The following EYS variants were observed in gnomAD, a reference collection of about 807,000 sequenced individuals.
The protein encoded by EYS is EGF-like photoreceptor maintenance factor.
EYS carries 250 observed loss-of-function variants against 282.1 expected under a neutral mutation model. The observed-to-expected ratio is 0.89, with a 90% CI of 0.80 to 0.98. The LOEUF is 0.98. Among genes scored for constraint, EYS ranks in the 50% least tolerant of loss-of-function variants. EYS has a pLI of 0.00. For missense variants in EYS, 4,016 were observed against 3,709.0 expected (o/e 1.08, Z -2.15); for synonymous variants, 1,355 against 1,282.9 (o/e 1.06, Z -1.20).
In EYS at chr6:63,745,604, G is replaced by A. The variant is rs144927165; in HGVS notation, c.8071+16857C>T. The stretch of plus-strand genomic sequence containing the variant: ...CCTATTCACATAAAGAGTAATAGAT[G>A]ATATGTCTCTAACAAACACTAAGGA... On this transcript the variant is annotated intron_variant, in intron 41 of 42. Coordinates refer to ENST00000503581, the MANE Select transcript of EYS (RefSeq NM_001142800.2). Among the ~76,000 whole-genome samples the A allele has an allele frequency of 5.2e-3, 799 of 152,288 alleles. 5 individuals are homozygous for A. Among genetic ancestry groups the A allele is most frequent in the African/African-American group, 0.018 (760 of 41,566 alleles).
chr6:64,586,649 T>G (rs1288587873), intron 26 of EYS, among the ~76,000 whole-genome samples: 1 of 152,084 alleles, frequency 6.6e-6, no homozygotes, highest in Non-Finnish European at 1.5e-5. Flanking sequence ...GTCTTTTTAT[T>G]TAATGATGCA....
At chr6:65,062,279 T>A (rs1004556208) in intron 12 of EYS, among the ~76,000 whole-genome samples, 3 of 151,910 alleles carry the variant, frequency 2.0e-5, no homozygotes, top group Non-Finnish European at 4.4e-5. Context: ...CTGTGATAAA[T>A]AACAAAACCC....
intron 29 of EYS, among the ~76,000 whole-genome samples, chr6:64,315,779 A>G (rs1230242304): frequency 6.6e-6 from 1 of 151,586 alleles, no homozygotes; most frequent in Non-Finnish European, 1.5e-5. Context: ...AGAACATTTC[A>G]GGCCAATATC....
At position 64,979,635 on chromosome 6, in the gene EYS, C is replaced by T. The variant is rs369453901; in HGVS notation, c.2259+17947G>A. Among the ~76,000 whole-genome samples the T allele has an allele frequency of 2.5e-4, 38 of 151,384 alleles. 1 individual carries two copies. In the East Asian group the frequency reaches 4.1e-3, roughly 16 times the overall value. ...TGTTGACAGGTAGATTAATTTATAG[C>T]TGTAATGGAATAAGAAATGATAAGG... is the stretch of plus-strand genomic sequence containing the variant. On this transcript the variant is annotated intron_variant, in intron 14 of 42. Transcript: ENST00000503581.
In EYS at chr6:63,721,336, A is replaced by T; in HGVS notation, c.8695T>A (p.Cys2899Ser). The T allele has an allele frequency of 6.4e-7, 1 of 1,552,010 alleles. No individual in the cohort carries two copies. Among genetic ancestry groups the T allele is most frequent in the Non-Finnish European group, 8.7e-7 (1 of 1,147,004 alleles). The change falls in exon 43 of 43, where the codon TGC becomes AGC. Residue 2899 changes from cysteine to serine, a missense_variant. Physicochemically the swap from Cys to Ser is moderately radical, Grantham distance 112. Coordinates refer to ENST00000503581, the MANE Select transcript of EYS (RefSeq NM_001142800.2). ...CCAGCCCAATCTGGCAAACATCTGC[A>T]AGAAAAAGTTGTGCCATTTACTGTA... is the stretch of plus-strand genomic sequence containing the variant. ...ECTVNGTTFSCRCLPDWAGNT... is the reference protein window; with the variant it reads ...ECTVNGTTFSSRCLPDWAGNT...
intron 26 of EYS, among the ~76,000 whole-genome samples, chr6:64,585,828 C>T (rs898077435): frequency 1.3e-5 from 2 of 152,014 alleles, no homozygotes; most frequent in African/African-American, 4.8e-5. Flanking sequence ...AATATAAGTT[C>T]TAAGTATTAT....
At chr6:64,881,329 C>G (rs1391513357) in intron 19 of EYS, among the ~76,000 whole-genome samples, 1 of 151,690 alleles carries the variant, frequency 6.6e-6, no homozygotes, top group African/African-American at 2.4e-5. Context: ...AGACTAAGTG[C>G]CGAATGATGT....
At chr6:65,625,820 G>A (rs1298315509) in intron 2 of EYS, among the ~76,000 whole-genome samples, 1 of 152,160 alleles carries the variant, frequency 6.6e-6, no homozygotes. Flanking sequence ...AATTTCTCAA[G>A]AAAAGGTTCT....
intron 8 of EYS, among the ~76,000 whole-genome samples, chr6:65,356,622 A>G (rs1393684): frequency 0.2 from 30,574 of 151,922 alleles, 3,872 homozygotes; most frequent in Non-Finnish European, 0.27. Context: ...CTGTACTTAT[A>G]CCCTTCTATA....
At chr6:63,860,078 C>T (rs560526016) in intron 36 of EYS, among the ~76,000 whole-genome samples, 229 of 152,214 alleles carry the variant, frequency 1.5e-3, no homozygotes, top group Middle Eastern at 0.014. Context: ...TATTGGATTG[C>T]TTTTTGCCTT....
intron 13 of EYS, among the ~76,000 whole-genome samples, chr6:65,052,198 A>C (rs972442767): frequency 2.6e-5 from 4 of 151,470 alleles, no homozygotes; most frequent in Non-Finnish European, 5.9e-5. Context: ...ACCCAACCCC[A>C]TTTAGTTCTG....
chr6:64,617,355 C>T, intron 24 of EYS, 63 bp downstream of exon 24: 1 of 1,046,788 alleles, frequency 9.6e-7, no homozygotes, highest in Non-Finnish European at 1.5e-6. Flanking sequence ...TAATTTTCTA[C>T]TATTTACTGT....
At chr6:65,483,977 T>C (rs1481306713) in intron 5 of EYS, among the ~76,000 whole-genome samples, 6 of 152,068 alleles carry the variant, frequency 3.9e-5, no homozygotes, top group Non-Finnish European at 7.4e-5. Flanking sequence ...AATTACTTCC[T>C]ACCGGCTCCC....
At chr6:64,618,052 A>T (rs746896049) in intron 23 of EYS, among the ~76,000 whole-genome samples, 1 of 152,174 alleles carries the variant, frequency 6.6e-6, no homozygotes, top group African/African-American at 2.4e-5. Context: ...TCTATAGAAT[A>T]TAAGTATTGT....
At chr6:65,237,818 A>C (rs888747804) in intron 12 of EYS, among the ~76,000 whole-genome samples, 1 of 152,174 alleles carries the variant, frequency 6.6e-6, no homozygotes, top group Admixed American at 6.5e-5. Flanking sequence ...TATAGATGGA[A>C]TGATGTATGG....
At chr6:64,609,661 G>T (rs2149843586) in intron 24 of EYS, among the ~76,000 whole-genome samples, 1 of 152,118 alleles carries the variant, frequency 6.6e-6, no homozygotes, top group African/African-American at 2.4e-5. Context: ...AAGCAGGACG[G>T]GTGCTTGAGG....
intron 22 of EYS, among the ~76,000 whole-genome samples, chr6:64,662,007 A>G (rs1769046172): frequency 6.6e-6 from 1 of 152,084 alleles, no homozygotes; most frequent in African/African-American, 2.4e-5. Context: ...TGATAGACTC[A>G]ATTAAGAAAA....
intron 22 of EYS, among the ~76,000 whole-genome samples, chr6:64,692,478 G>A (rs539174412): frequency 2.4e-4 from 36 of 152,120 alleles, no homozygotes; most frequent in Admixed American, 3.9e-4. Context: ...ATTCACTTGC[G>A]CTTATCTAGA....
chr6:65,333,741 A>G (rs1769880107), intron 11 of EYS, among the ~76,000 whole-genome samples: 1 of 151,582 alleles, frequency 6.6e-6, no homozygotes, highest in African/African-American at 2.4e-5. Context: ...ATATATATAT[A>G]CACACACATA....
Sources: gnomAD v4.1 joint callset for allele counts (sites outside exome capture counted in the v4.1 genomes callset) on GRCh38, gnomAD v4.1.1 for gene constraint, MANE v1.5 for transcripts, NCBI Gene and HGNC (gene_info 2026-07-23, HGNC 2026-07-21) for gene names.